The following ZNF442 variants were observed in gnomAD, a reference collection of about 807,000 sequenced individuals.
ZNF442 encodes zinc finger protein 442.
A neutral mutation model predicts 57.0 loss-of-function variants in ZNF442; 45 were observed. That is an observed-to-expected ratio of 0.79 (90% CI 0.62 to 1.01). ZNF442 has a LOEUF of 1.01. Among genes scored for constraint, ZNF442 ranks in the 50% least tolerant of loss-of-function variants. ZNF442 has a pLI of 0.00. For missense variants in ZNF442, 690 were observed against 756.5 expected, an observed-to-expected ratio of 0.91 and a Z score of 1.03; for synonymous variants, 213 against 241.8, an observed-to-expected ratio of 0.88 and a Z score of 1.10.
chr19:12,355,049 T>C (rs1969303505), intron 3 of ZNF442, among the ~76,000 whole-genome samples: 1 of 151,932 alleles, frequency 6.6e-6, no homozygotes, highest in East Asian at 2.0e-4. Context: ...CCTAGCACTT[T>C]GGAAGGTTGA....
At chr19:12,364,422 G>A (rs376677851) in intron 2 of ZNF442, among the ~76,000 whole-genome samples, 44 of 146,324 alleles carry the variant, frequency 3.0e-4, no homozygotes, top group African/African-American at 1.0e-3. Flanking sequence ...AAAAAAAAAA[G>A]AAAGAAAGAA....
Position 12,363,645 on chromosome 19 carries a change from C to T in ZNF442, c.-14G>A, listed in dbSNP as rs1969477779. The stretch of plus-strand genomic sequence containing the variant: ...AAATACAATCATTCAACTGGCTGAC[C>T]AGCCGTGTGTCCCCAAGGAATGGAA... On this transcript the variant is annotated 5_prime_UTR_variant, in exon 3 of 6. It introduces an in-frame stop codon into an upstream open reading frame of the 5' UTR. Transcript: ENST00000242804. The T allele has an allele frequency of 1.2e-6, 2 of 1,613,104 alleles. No individual in the cohort carries two copies. The highest frequency in any genetic ancestry group is 1.7e-6 in the Non-Finnish European group (2 of 1,179,070).
Position 12,349,524 on chromosome 19 carries a change from G to T in ZNF442, c.*177C>A. The T allele has an allele frequency of 1.8e-6, 1 of 555,448 alleles. No homozygotes were observed. The highest frequency in any genetic ancestry group is 3.0e-6 in the Non-Finnish European group (1 of 328,460). 34.4% of individuals were successfully genotyped at this position (555,448 alleles called of 1,614,324 possible). A position where few individuals can be genotyped will look rare whatever the true frequency, so the allele number is the denominator to read the frequency against. ...TTATAAAAGGAACACAGCATCTGTG[G>T]ATTTAGGTATGCTTAGGGGGTCTGG... On this transcript the variant is annotated 3_prime_UTR_variant, in exon 6 of 6. Coordinates refer to ENST00000242804, the MANE Select transcript of ZNF442 (RefSeq NM_030824.3).
At chr19:12,351,364 ACTTT>A in intron 5 of ZNF442, 46 bp from the exon 6 acceptor site, 1 of 1,520,566 alleles carries the variant, frequency 6.6e-7, no homozygotes, top group Non-Finnish European at 8.9e-7. Context: ...TTTATAAATG[ACTTT>A]ATGTTTATTA....
At chr19:12,354,278 A>G (rs1196001125) in intron 3 of ZNF442, among the ~76,000 whole-genome samples, 5 of 152,218 alleles carry the variant, frequency 3.3e-5, no homozygotes, top group African/African-American at 1.2e-4. Context: ...AATGTAGCAA[A>G]GCAAGACAAA....
chr19:12,362,940 A>G (rs779486163), intron 3 of ZNF442, among the ~76,000 whole-genome samples: 142 of 151,706 alleles, frequency 9.4e-4, no homozygotes, highest in Non-Finnish European at 1.6e-3. Flanking sequence ...TCAGGAGTTC[A>G]AGACCAGCCT....
At chr19:12,372,203 TC>T in the ZNF442 span, among the ~76,000 whole-genome samples, 1 of 152,160 alleles carries the variant, frequency 6.6e-6, no homozygotes, top group Non-Finnish European at 1.5e-5. Flanking sequence ...ACACCTGTAA[TC>T]CCAGCACTTT....
chr19:12,368,781 A>G (rs78397093), upstream of ZNF442, among the ~76,000 whole-genome samples: 6,350 of 152,150 alleles, frequency 0.042, 442 homozygotes, highest in African/African-American at 0.14. Context: ...ATCACAACTC[A>G]TTATTATTTT....
At chr19:12,360,190 G>C (rs1969400045) in intron 3 of ZNF442, among the ~76,000 whole-genome samples, 1 of 151,982 alleles carries the variant, frequency 6.6e-6, no homozygotes, top group South Asian at 2.1e-4. Context: ...TCTTATACTT[G>C]ATGCTTTCCC....
rs752691146 is a variant in ZNF442 at position 12,349,868 on chromosome 19, C to T, written c.1717G>A (p.Glu573Lys). The T allele has an allele frequency of 6.2e-7, 1 of 1,613,592 alleles. No individual in the cohort carries two copies. The highest frequency in any genetic ancestry group is 8.5e-7 in the Non-Finnish European group (1 of 1,179,880). ...ERIHTGKKSY[E>K]CQQCGKAFTR... ...AAGGCTTTACCACATTGTTGACATTCATAAGATTTCTTTCCAGTGTGAATT... is the reference window on the plus strand; with the variant it reads ...AAGGCTTTACCACATTGTTGACATTTATAAGATTTCTTTCCAGTGTGAATT... The change falls in exon 6 of 6, where the codon GAA (glutamate) becomes AAA (lysine). Residue 573 changes from glutamate (E) to lysine (K), a missense_variant. Transcript: ENST00000242804.
chr19:12,359,556 CTTAAG>C (rs1969389179), intron 3 of ZNF442, among the ~76,000 whole-genome samples: 1 of 152,174 alleles, frequency 6.6e-6, no homozygotes, highest in South Asian at 2.1e-4. Context: ...GAAAACTTTG[CTTAAG>C]TTTTTCTCCT....
intron 3 of ZNF442, among the ~76,000 whole-genome samples, chr19:12,355,886 G>A (rs1246494197): frequency 6.6e-6 from 1 of 152,006 alleles, no homozygotes; most frequent in Non-Finnish European, 1.5e-5. Context: ...TGTAGTCCCA[G>A]CTACCTAGGA....
chr19:12,352,935 C>G, intron 4 of ZNF442, 53 bp downstream of exon 4: 3 of 1,579,184 alleles, frequency 1.9e-6, no homozygotes, highest in South Asian at 1.2e-5. Context: ...GCATTGATGA[C>G]CAAGAAAAAA....
At chr19:12,365,791 G>C (rs1360064834), upstream of ZNF442, 1 of 169,878 alleles carries the variant, frequency 5.9e-6, no homozygotes, top group Admixed American at 6.3e-5. Flanking sequence ...ATTGACAGAA[G>C]AAGGATCTTA....
chr19:12,363,843 T>C (rs1391095639), intron 2 of ZNF442, among the ~76,000 whole-genome samples, 172 bp from the exon 3 acceptor site: 1 of 152,192 alleles, frequency 6.6e-6, no homozygotes, highest in Non-Finnish European at 1.5e-5. Context: ...TGATATTCAC[T>C]GGACCCTCCC....
At chr19:12,361,780 G>A (rs1008257190) in intron 3 of ZNF442, among the ~76,000 whole-genome samples, 2 of 151,138 alleles carry the variant, frequency 1.3e-5, no homozygotes, top group African/African-American at 4.9e-5. Flanking sequence ...GCGGAGGCTG[G>A]ACTGTAGTGC....
At chr19:12,361,527 G>A (rs1969425100) in intron 3 of ZNF442, among the ~76,000 whole-genome samples, 1 of 152,114 alleles carries the variant, frequency 6.6e-6, no homozygotes, top group African/African-American at 2.4e-5. Context: ...CATAAAGAAA[G>A]TACGACCAAA....
At chr19:12,371,452 C>G in the ZNF442 span, among the ~76,000 whole-genome samples, 1 of 152,136 alleles carries the variant, frequency 6.6e-6, no homozygotes, top group South Asian at 2.1e-4. Context: ...GTTGTGAAAA[C>G]AGGGTGCAGT....
intron 3 of ZNF442, among the ~76,000 whole-genome samples, chr19:12,360,350 T>G (rs904133822): frequency 3.9e-5 from 6 of 152,190 alleles, no homozygotes; most frequent in Non-Finnish European, 7.4e-5. Context: ...TAATGCTCTG[T>G]AGCTTCTTTA....
Sources: gnomAD v4.1 joint callset for allele counts (sites outside exome capture counted in the v4.1 genomes callset) on GRCh38, gnomAD v4.1.1 for gene constraint, MANE v1.5 for transcripts, NCBI Gene and HGNC (gene_info 2026-07-23, HGNC 2026-07-21) for gene names.